The following GPC6 variants were observed in gnomAD, a reference collection of about 807,000 sequenced individuals.
GPC6 encodes glypican-6.
In GPC6, 14 loss-of-function variants were observed where a neutral mutation model predicts 55.2. The observed-to-expected ratio is 0.25, with a 90% CI of 0.17 to 0.40. The LOEUF (loss-of-function observed/expected upper bound fraction) is 0.40. GPC6 is among the 10% of genes least tolerant of loss of function. The probability of loss-of-function intolerance (pLI) is 1.00; values close to 1 mark genes in which losing one functional copy is unlikely to be tolerated. For synonymous variants in GPC6, 278 were observed against 259.6 expected, an observed-to-expected ratio of 1.07 and a Z score of -0.68; for missense variants, 641 against 708.5, an observed-to-expected ratio of 0.90 and a Z score of 1.08.
At chr13:93,844,146 T>C (rs986936825) in intron 3 of GPC6, among the ~76,000 whole-genome samples, 4 of 152,030 alleles carry the variant, frequency 2.6e-5, no homozygotes, top group African/African-American at 7.2e-5. Context: ...GTAAACACTG[T>C]TTCTTTTTTT....
intron 1 of GPC6, among the ~76,000 whole-genome samples, chr13:93,304,761 A>G (rs1377347299): frequency 6.6e-6 from 1 of 152,174 alleles, no homozygotes; most frequent in Non-Finnish European, 1.5e-5. Flanking sequence ...GAGTCAGTGG[A>G]TAGAGAATTA....
intron 4 of GPC6, among the ~76,000 whole-genome samples, chr13:94,271,092 G>C (rs1325524372): frequency 7.2e-6 from 1 of 138,660 alleles, no homozygotes; most frequent in Non-Finnish European, 1.5e-5. Flanking sequence ...CCAGGTTCAT[G>C]CCATTCTCCT....
At chr13:94,065,437 G>T (rs1053076559) in intron 4 of GPC6, among the ~76,000 whole-genome samples, 3 of 152,096 alleles carry the variant, frequency 2.0e-5, no homozygotes, top group Non-Finnish European at 4.4e-5. Flanking sequence ...GGTCTTGCAT[G>T]GTATTCCTGT....
intron 6 of GPC6, among the ~76,000 whole-genome samples, chr13:94,316,203 C>CGA (rs1876515750): frequency 6.6e-6 from 1 of 152,132 alleles, no homozygotes; most frequent in Non-Finnish European, 1.5e-5. Context: ...TAGGAGAAAT[C>CGA]TAAGTTCTTA....
rs915599199 is a variant in GPC6 at position 93,240,605 on chromosome 13, T to C, written c.160+12989T>C. ...TATTAAATTAATTCCACTAATCTTA[T>C]GTTTTAAGTGGAGCATTTAGATCAT... On this transcript the variant is annotated intron_variant, in intron 1 of 8. Transcript: ENST00000377047. Among the ~76,000 whole-genome samples the C allele has an allele frequency of 2.0e-5, 3 of 152,254 alleles. No homozygotes were observed. In the Middle Eastern group the frequency reaches 0.01, roughly 518 times the overall value.
At chr13:93,914,085 C>CT (rs1182664960) in intron 3 of GPC6, among the ~76,000 whole-genome samples, 1 of 151,778 alleles carries the variant, frequency 6.6e-6, no homozygotes, top group Non-Finnish European at 1.5e-5. Flanking sequence ...TTTTATTATA[C>CT]TTTAAGTTTT....
At chr13:94,336,935 C>T (rs1445746593) in intron 6 of GPC6, among the ~76,000 whole-genome samples, 1 of 152,066 alleles carries the variant, frequency 6.6e-6, no homozygotes, top group Non-Finnish European at 1.5e-5. Context: ...CTAGGAGGTT[C>T]TTTTGAATTT....
intron 6 of GPC6, among the ~76,000 whole-genome samples, chr13:94,312,875 C>T (rs577034178): frequency 4.6e-5 from 7 of 152,302 alleles, no homozygotes; most frequent in African/African-American, 1.4e-4. Context: ...TTTCAGCCTC[C>T]GCTGCAGCTG....
At chr13:93,624,252 A>G (rs990391098) in intron 2 of GPC6, among the ~76,000 whole-genome samples, 1 of 152,072 alleles carries the variant, frequency 6.6e-6, no homozygotes, top group Non-Finnish European at 1.5e-5. Context: ...TGGACAAGCT[A>G]ATGGGAGACC....
chr13:93,448,367 A>G (rs562124315), intron 1 of GPC6, among the ~76,000 whole-genome samples: 222 of 152,318 alleles, frequency 1.5e-3, no homozygotes, highest in African/African-American at 5.3e-3. Flanking sequence ...AGTATGCTAT[A>G]TCATCTAGGT....
intron 3 of GPC6, among the ~76,000 whole-genome samples, chr13:93,954,499 G>C (rs577466439): frequency 1.3e-5 from 2 of 152,006 alleles, no homozygotes; most frequent in South Asian, 2.1e-4. Context: ...GTAGAGACAG[G>C]TTTCACCATG....
At chr13:93,756,484 A>G (rs551822882) in intron 2 of GPC6, among the ~76,000 whole-genome samples, 2 of 152,162 alleles carry the variant, frequency 1.3e-5, no homozygotes, top group African/African-American at 4.8e-5. Context: ...CCACCATATA[A>G]TTCCTGTCCC....
intron 6 of GPC6, among the ~76,000 whole-genome samples, chr13:94,326,025 C>G (rs111523170): frequency 9.9e-5 from 15 of 152,258 alleles, no homozygotes; most frequent in Middle Eastern, 3.4e-3. Flanking sequence ...CCAAACATTT[C>G]CAGAATTTGC....
chr13:94,058,503 TTTA>T (rs1361675569), intron 4 of GPC6, among the ~76,000 whole-genome samples: 1 of 152,166 alleles, frequency 6.6e-6, no homozygotes, highest in Non-Finnish European at 1.5e-5. Context: ...TATTTTGGTG[TTTA>T]TTAAGACAAG....
chr13:94,043,532 C>T (rs544098234), intron 4 of GPC6, among the ~76,000 whole-genome samples: 3 of 151,828 alleles, frequency 2.0e-5, no homozygotes, highest in African/African-American at 7.2e-5. Flanking sequence ...ATACTATTAA[C>T]TAAACTATAT....
At chr13:93,671,457 G>C (rs1458529954) in intron 2 of GPC6, among the ~76,000 whole-genome samples, 1 of 152,042 alleles carries the variant, frequency 6.6e-6, no homozygotes, top group African/African-American at 2.4e-5. Context: ...ACCAACTAAA[G>C]TAAGCTTTTC....
intron 4 of GPC6, among the ~76,000 whole-genome samples, chr13:94,221,723 T>C (rs1044533055): frequency 3.3e-5 from 5 of 152,212 alleles, no homozygotes; most frequent in East Asian, 1.9e-4. Flanking sequence ...TCAGTTTATC[T>C]TTCTGGAAAA....
intron 3 of GPC6, among the ~76,000 whole-genome samples, chr13:93,864,569 C>T (rs1888905350): frequency 6.6e-6 from 1 of 151,704 alleles, no homozygotes; most frequent in Admixed American, 6.6e-5. Context: ...CTTTTGCACT[C>T]CAGAGGATGT....
chr13:93,969,040 G>A (rs976944808), intron 3 of GPC6, among the ~76,000 whole-genome samples: 1 of 152,166 alleles, frequency 6.6e-6, no homozygotes, highest in South Asian at 2.1e-4. Flanking sequence ...CCCTTGGGAT[G>A]CCTTGATGCT....
Sources: allele counts gnomAD v4.1 joint callset (sites outside exome capture counted in the v4.1 genomes callset), GRCh38; gene constraint gnomAD v4.1.1; transcripts MANE v1.5; gene names NCBI Gene and HGNC (gene_info 2026-07-23, HGNC 2026-07-21).